The following USP3 variants were observed in gnomAD, a reference collection of about 807,000 sequenced individuals.
The protein encoded by USP3 is ubiquitin specific peptidase 3, also known as ubiquitin carboxyl-terminal hydrolase 3.
A neutral mutation model predicts 72.3 loss-of-function variants in USP3; 20 were observed. The ratio of observed to expected loss-of-function variants is 0.28; its 90% CI spans 0.19 to 0.40. The LOEUF is 0.40. Among genes scored for constraint, USP3 ranks in the 10% least tolerant of loss-of-function variants. The pLI is 1.00. For missense variants in USP3, 479 were observed against 633.9 expected (o/e 0.76, Z 2.62); for synonymous variants, 222 against 225.3 (o/e 0.99, Z 0.13).
intron 14 of USP3, among the ~76,000 whole-genome samples, 193 bp from the exon 15 acceptor site, chr15:63,590,468 T>TCTGCTTTGTGTTCTAG (rs1397299650): frequency 6.6e-6 from 1 of 151,568 alleles, no homozygotes; most frequent in Non-Finnish European, 1.5e-5. Context: ...TCCAGGGCCA[T>TCTGCTTTGTGTTCTAG]CTGCTTTGTG....
At chr15:63,527,756 C>T (rs1224835059) in intron 1 of USP3, 1 of 152,242 alleles carries the variant, frequency 6.6e-6, no homozygotes, top group Non-Finnish European at 1.5e-5. Flanking sequence ...CTGCTCCGGT[C>T]TCTCTTGATA....
rs574804354 is a variant in USP3 at position 63,553,523 on chromosome 15, CCTACGTGG to C, written c.285-189_285-182del. 2.0e-4 allele frequency: 83 copies of C among 423,008 alleles called. No individual in the cohort carries two copies. In the Middle Eastern group the frequency reaches 2.8e-3, roughly 14 times the overall value. 26.2% of individuals were successfully genotyped at this position (423,008 alleles called of 1,614,324 possible). A position where few individuals can be genotyped will look rare whatever the true frequency, so the allele number is the denominator to read the frequency against. On this transcript the variant is annotated intron_variant, in intron 3 of 14. Transcript: ENST00000380324. This position sits in a 1 kb window ranked among gnomAD's most constrained non-coding sequence, Gnocchi z 4.2. ...CGTGAAAAGAAGCTCATGTTCATTG[CCTACGTGG>C]CTTTTAAAAAAGACTCTTGAAAAAC...
At position 63,588,135 on chromosome 15, in the gene USP3, C is replaced by A. The variant is rs1004503191; in HGVS notation, c.1097-170C>A. 16 of 519,316 alleles carry A rather than the reference C, an allele frequency of 3.1e-5. No homozygotes were observed. The highest frequency in any genetic ancestry group is 5.0e-5 in the Non-Finnish European group (15 of 297,086). The allele number at this position is 519,316 out of a possible 1,614,324, so 32.2% of individuals were successfully genotyped here. On this transcript the variant is annotated intron_variant, in intron 11 of 14. Transcript: ENST00000380324. The surrounding 1 kb of genome is among the most constrained non-coding windows in gnomAD (Gnocchi z 4.6). The stretch of plus-strand genomic sequence containing the variant: ...ATTATTTCTCTTCCTTATAATAGTT[C>A]TTCAAAGTAGGTATTATTTTTTGTC...
At chr15:63,558,397 TA>T (rs2066546854) in intron 6 of USP3, among the ~76,000 whole-genome samples, 2 of 152,168 alleles carry the variant, frequency 1.3e-5, no homozygotes, top group South Asian at 4.1e-4. Context: ...GTAATTTGTC[TA>T]AAGTACTTAG....
At chr15:63,581,547 CTAATTTTTT>C (rs1418838679) in intron 11 of USP3, among the ~76,000 whole-genome samples, 1 of 127,980 alleles carries the variant, frequency 7.8e-6, no homozygotes, top group African/African-American at 3.0e-5. Flanking sequence ...CCACACCCGG[CTAATTTTTT>C]TTTTTTTTTT....
Position 63,544,466 on chromosome 15 carries a change from A to G in USP3, c.284+7310A>G. On this transcript the variant is annotated intron_variant, in intron 3 of 14. Coordinates refer to ENST00000380324, the MANE Select transcript of USP3 (RefSeq NM_006537.4). This position sits in a 1 kb window ranked among gnomAD's most constrained non-coding sequence, Gnocchi z 4.2. ...AATCCAAAGTTATTGTTTTGACTTTAGTAGACTAGTGTTTTGTCTTTTAGA... is the reference window on the plus strand; with the variant it reads ...AATCCAAAGTTATTGTTTTGACTTTGGTAGACTAGTGTTTTGTCTTTTAGA... 2 of 510,852 alleles carry G rather than the reference A, an allele frequency of 3.9e-6. No individual in the cohort carries two copies. The highest frequency in any genetic ancestry group is 5.5e-5 in the South Asian group (2 of 36,428). 31.6% of individuals were successfully genotyped at this position (510,852 alleles called of 1,614,324 possible).
intron 6 of USP3, among the ~76,000 whole-genome samples, chr15:63,559,001 ACAGAGAGCCTTGTT>A (rs1409431541): frequency 6.6e-6 from 1 of 152,244 alleles, no homozygotes; most frequent in Non-Finnish European, 1.5e-5. Flanking sequence ...CCCCTGGGTT[ACAGAGAGCCTTGTT>A]CAGAGAGCTT....
chr15:63,540,559 C>T (rs1376726600), intron 3 of USP3, among the ~76,000 whole-genome samples: 1 of 152,112 alleles, frequency 6.6e-6, no homozygotes, highest in Admixed American at 6.6e-5. Context: ...TAAAGAGCCA[C>T]GTAACATTTT....
At chr15:63,561,084 A>T (rs2066600919) in intron 7 of USP3, among the ~76,000 whole-genome samples, 1 of 151,636 alleles carries the variant, frequency 6.6e-6, no homozygotes. Context: ...TGGTGTTTGA[A>T]GGGAGTTTCC....
chr15:63,564,051 G>C (rs2066648931), intron 8 of USP3, among the ~76,000 whole-genome samples: 1 of 152,094 alleles, frequency 6.6e-6, no homozygotes, highest in African/African-American at 2.4e-5. Context: ...AGGAAAGGCA[G>C]GAATGACAGT....
At chr15:63,581,954 G>A (rs1476765280) in intron 11 of USP3, among the ~76,000 whole-genome samples, 1 of 152,150 alleles carries the variant, frequency 6.6e-6, no homozygotes, top group African/African-American at 2.4e-5. Context: ...AAAGTGCTGG[G>A]ATTACAGGCG....
Position 63,544,364 on chromosome 15 carries a change from T to TTAATA in USP3, c.284+7210_284+7214dup, listed in dbSNP as rs1158026074. The stretch of plus-strand genomic sequence containing the variant: ...GATGCTCACTGCTTGTAGAGTCCAG[T>TTAATA]TAATATGAGTGAGGTCTGGTAGAAA... On this transcript the variant is annotated intron_variant, in intron 3 of 14. Coordinates refer to ENST00000380324, the MANE Select transcript of USP3 (RefSeq NM_006537.4). The surrounding 1 kb of genome is among the most constrained non-coding windows in gnomAD (Gnocchi z 4.2). 4.0e-6 allele frequency: 1 copy of TTAATA among 251,898 alleles called. No homozygotes were observed. Among genetic ancestry groups the TTAATA allele is most frequent in the East Asian group, 9.4e-5 (1 of 10,672 alleles). 15.6% of individuals were successfully genotyped at this position (251,898 alleles called of 1,614,324 possible). A position where few individuals can be genotyped will look rare whatever the true frequency, so the allele number is the denominator to read the frequency against.
rs1436526142 is a variant in USP3, at chr15:63,570,036, T to A, written c.762-397T>A. Among the ~76,000 whole-genome samples, 1 of 152,144 alleles carries A rather than the reference T, an allele frequency of 6.6e-6. No homozygotes were observed. Among genetic ancestry groups the A allele is most frequent in the Non-Finnish European group, 1.5e-5 (1 of 68,020 alleles). On this transcript the variant is annotated intron_variant, in intron 8 of 14. Coordinates refer to ENST00000380324, the MANE Select transcript of USP3 (RefSeq NM_006537.4). The surrounding 1 kb of genome is among the most constrained non-coding windows in gnomAD (Gnocchi z 4.4). Reference sequence around the variant, plus strand: ...GAGGTGAAGCTATGACATTGGAGCATCTTCTAGAGAGGTTATGTGGGCAGG... The same window carrying A: ...GAGGTGAAGCTATGACATTGGAGCAACTTCTAGAGAGGTTATGTGGGCAGG...
At chr15:63,590,386 T>A (rs1325022229) in intron 14 of USP3, among the ~76,000 whole-genome samples, 1 of 152,138 alleles carries the variant, frequency 6.6e-6, no homozygotes, top group Non-Finnish European at 1.5e-5. Context: ...GGTACCTAGT[T>A]TTCCATGTTT....
At chr15:63,559,147 C>T (rs1437039813) in intron 6 of USP3, among the ~76,000 whole-genome samples, 2 of 152,120 alleles carry the variant, frequency 1.3e-5, no homozygotes, top group Admixed American at 6.5e-5. Flanking sequence ...AGAAGCTTAG[C>T]GTTCCAATAA....
rs2066023079 is a variant in USP3 at position 63,528,824 on chromosome 15, CTCT to C, written c.92-3818_92-3816del. On this transcript the variant is annotated intron_variant, in intron 1 of 14. Coordinates refer to ENST00000380324, the MANE Select transcript of USP3 (RefSeq NM_006537.4). This position sits in a 1 kb window ranked among gnomAD's most constrained non-coding sequence, Gnocchi z 4.3. Reference sequence around the variant, plus strand: ...TCTTTTATTTGTACAATTACCTGTTCTCTTCTTAACAATAATTGAGAGTTTAAT... The same window carrying C: ...TCTTTTATTTGTACAATTACCTGTTCTCTTAACAATAATTGAGAGTTTAAT... Among the ~76,000 whole-genome samples the C allele has an allele frequency of 6.6e-6, 1 of 152,164 alleles. No individual in the cohort carries two copies.
chr15:63,589,150 G>A, intron 14 of USP3, 139 bp downstream of exon 14: 2 of 918,244 alleles, frequency 2.2e-6, no homozygotes, highest in Non-Finnish European at 3.4e-6. Context: ...CAGTTTTGGT[G>A]CGGAAGAGTA....
intron 11 of USP3, among the ~76,000 whole-genome samples, chr15:63,585,398 G>A (rs575797748): frequency 3.9e-5 from 6 of 152,090 alleles, no homozygotes; most frequent in Non-Finnish European, 8.8e-5. Context: ...GCAATGTTTT[G>A]TAGTTTTCAG....
At chr15:63,546,911 C>T (rs894326511) in intron 3 of USP3, among the ~76,000 whole-genome samples, 3 of 152,132 alleles carry the variant, frequency 2.0e-5, no homozygotes, top group Non-Finnish European at 4.4e-5. Flanking sequence ...TCCAGCCAAT[C>T]TGTTTGCCTT....
Sources: allele counts gnomAD v4.1 joint callset (sites outside exome capture counted in the v4.1 genomes callset), GRCh38; gene constraint gnomAD v4.1.1; non-coding constraint Gnocchi (gnomAD v3.1); transcripts MANE v1.5; gene names NCBI Gene and HGNC (gene_info 2026-07-23, HGNC 2026-07-21).